CNTNAP2: variants seen among roughly 807,000 people sequenced by gnomAD.
CNTNAP2 encodes the protein contactin associated protein 2.
CNTNAP2 carries 98 observed loss-of-function variants against 155.2 expected under a neutral mutation model. The ratio of observed to expected loss-of-function variants is 0.63; its 90% CI spans 0.54 to 0.75. The LOEUF is 0.75. CNTNAP2 is among the 30% of genes least tolerant of loss of function. CNTNAP2 has a pLI of 0.00. For synonymous variants in CNTNAP2, 651 were observed against 631.2 expected, an observed-to-expected ratio of 1.03 and a Z score of -0.47; for missense variants, 1,727 against 1,688.1, an observed-to-expected ratio of 1.02 and a Z score of -0.40.
chr7:147,381,437 T>C (rs1796534087), intron 9 of CNTNAP2, among the ~76,000 whole-genome samples: 1 of 152,226 alleles, frequency 6.6e-6, no homozygotes, highest in Admixed American at 6.6e-5. Context: ...TGACTGTATC[T>C]GCCGATGTTT....
chr7:148,148,197 G>T (rs930260705), intron 17 of CNTNAP2, among the ~76,000 whole-genome samples: 5 of 152,114 alleles, frequency 3.3e-5, no homozygotes, highest in African/African-American at 9.7e-5. Flanking sequence ...GGCAGAGAAA[G>T]ATTTAGACTT....
At chr7:148,124,217 CG>C (rs1237777370) in intron 16 of CNTNAP2, among the ~76,000 whole-genome samples, 2 of 152,110 alleles carry the variant, frequency 1.3e-5, no homozygotes, top group Non-Finnish European at 2.9e-5. Flanking sequence ...CAGCGTAAAC[CG>C]CCCACTAGGA....
intron 13 of CNTNAP2, among the ~76,000 whole-genome samples, chr7:147,737,423 G>A (rs1035557631): frequency 6.6e-6 from 1 of 152,160 alleles, no homozygotes; most frequent in African/African-American, 2.4e-5. Context: ...TGAGGTGTCA[G>A]TCTGCCCCTA....
intron 3 of CNTNAP2, among the ~76,000 whole-genome samples, chr7:146,901,169 C>T (rs976564404): frequency 5.3e-5 from 8 of 152,010 alleles, no homozygotes; most frequent in African/African-American, 1.9e-4. Context: ...CAAACAGCAG[C>T]TACTTATCAA....
intron 13 of CNTNAP2, among the ~76,000 whole-genome samples, chr7:147,804,795 C>A (rs920298297): frequency 3.3e-5 from 5 of 152,126 alleles, no homozygotes; most frequent in Non-Finnish European, 7.4e-5. Flanking sequence ...CTCAAATGAT[C>A]CACCCAGCTT....
chr7:148,228,785 G>A (rs1006165688), intron 19 of CNTNAP2, among the ~76,000 whole-genome samples: 11 of 141,362 alleles, frequency 7.8e-5, no homozygotes, highest in African/African-American at 2.6e-4. Context: ...CCGAGATCGC[G>A]CCACTGCACT....
At chr7:147,788,474 A>T (rs1039376933) in intron 13 of CNTNAP2, among the ~76,000 whole-genome samples, 1 of 152,228 alleles carries the variant, frequency 6.6e-6, no homozygotes, top group Non-Finnish European at 1.5e-5. Context: ...GCTCAACCAG[A>T]GTCCCACACA....
chr7:147,684,852 G>A (rs904456125), intron 13 of CNTNAP2, among the ~76,000 whole-genome samples: 1 of 151,842 alleles, frequency 6.6e-6, no homozygotes, highest in Admixed American at 6.6e-5. Context: ...CCTACTAGAA[G>A]AAATTAAAAC....
At chr7:148,082,405 G>C (rs961836915) in intron 15 of CNTNAP2, among the ~76,000 whole-genome samples, 1 of 152,164 alleles carries the variant, frequency 6.6e-6, no homozygotes, top group Non-Finnish European at 1.5e-5. Flanking sequence ...GTTATGGGAG[G>C]AGCAACTTGG....
At chr7:146,751,034 G>A (rs557078798) in intron 1 of CNTNAP2, among the ~76,000 whole-genome samples, 1 of 152,128 alleles carries the variant, frequency 6.6e-6, no homozygotes, top group East Asian at 1.9e-4. Flanking sequence ...GTGTTATCTT[G>A]GAAGTAAATC....
At chr7:147,631,405 C>T (rs1563030268) in intron 12 of CNTNAP2, among the ~76,000 whole-genome samples, 2 of 152,136 alleles carry the variant, frequency 1.3e-5, no homozygotes, top group African/African-American at 4.8e-5. Flanking sequence ...AATGACCATA[C>T]TGCCAAAATC....
At chr7:148,046,962 A>G (rs1427379414) in intron 15 of CNTNAP2, among the ~76,000 whole-genome samples, 1 of 152,222 alleles carries the variant, frequency 6.6e-6, no homozygotes, top group Admixed American at 6.5e-5. Flanking sequence ...ATATAAGAGT[A>G]GTACCAATTC....
intron 21 of CNTNAP2, among the ~76,000 whole-genome samples, chr7:148,284,800 A>G (rs73464149): frequency 0.15 from 22,400 of 152,118 alleles, 2,143 homozygotes; most frequent in African/African-American, 0.27. Context: ...AAGGTTAACA[A>G]ATTGGAATAA....
intron 1 of CNTNAP2, among the ~76,000 whole-genome samples, chr7:146,486,987 G>C (rs1797067864): frequency 6.6e-6 from 1 of 152,160 alleles, no homozygotes; most frequent in South Asian, 2.1e-4. Context: ...ATATGAAAAT[G>C]AAGAGGTCTG....
chr7:146,174,122 G>A (rs554839816), intron 1 of CNTNAP2, among the ~76,000 whole-genome samples: 9 of 151,816 alleles, frequency 5.9e-5, no homozygotes, highest in Non-Finnish European at 1.0e-4. Context: ...GGAGGATTGC[G>A]TTGAGCCCAG....
chr7:147,329,652 CA>C (rs1243606303), intron 9 of CNTNAP2, among the ~76,000 whole-genome samples: 1 of 152,108 alleles, frequency 6.6e-6, no homozygotes, highest in Non-Finnish European at 1.5e-5. Flanking sequence ...CCTTCCCACT[CA>C]TGAGGCCTTC....
chr7:147,924,223 CTG>C (rs370123109), intron 14 of CNTNAP2, among the ~76,000 whole-genome samples: 8 of 151,552 alleles, frequency 5.3e-5, no homozygotes, highest in African/African-American at 1.7e-4. Flanking sequence ...CACCCAACCT[CTG>C]CCTCCTGGGC....
At chr7:147,734,800 G>T (rs1249336176) in intron 13 of CNTNAP2, among the ~76,000 whole-genome samples, 1 of 152,204 alleles carries the variant, frequency 6.6e-6, no homozygotes, top group Non-Finnish European at 1.5e-5. Context: ...TAGTTTGTTT[G>T]CATAGAGGTG....
chr7:147,069,311 C>G (rs1799845047), intron 4 of CNTNAP2, among the ~76,000 whole-genome samples: 1 of 152,086 alleles, frequency 6.6e-6, no homozygotes, highest in African/African-American at 2.4e-5. Context: ...TGATATAGGA[C>G]CTTAATTACA....
Sources: gnomAD v4.1 joint callset for allele counts (sites outside exome capture counted in the v4.1 genomes callset) on GRCh38, gnomAD v4.1.1 for gene constraint, MANE v1.5 for transcripts, NCBI Gene and HGNC (gene_info 2026-07-23, HGNC 2026-07-21) for gene names.